Variants in NPAS2 observed in about 807,000 individuals in gnomAD.
NPAS2 encodes neuronal PAS domain protein 2, also known as neuronal PAS domain-containing protein 2.
NPAS2 carries 23 observed loss-of-function variants against 107.5 expected under a neutral mutation model. That is an observed-to-expected ratio of 0.21 (90% CI 0.15 to 0.30). The LOEUF is 0.30. Among genes scored for constraint, NPAS2 ranks in the 10% least tolerant of loss-of-function variants. The pLI is 1.00. For missense variants in NPAS2, 756 were observed against 1,043.3 expected (o/e 0.72, Z 3.79); for synonymous variants, 403 against 417.5 (o/e 0.97, Z 0.42).
At chr2:100,958,594 C>T (rs942280242) in intron 7 of NPAS2, among the ~76,000 whole-genome samples, 3 of 152,144 alleles carry the variant, frequency 2.0e-5, no homozygotes, top group African/African-American at 4.8e-5. Flanking sequence ...GCCCCAGGAG[C>T]GTCATCCTGC....
At chr2:100,993,597 C>T in intron 20 of NPAS2, 70 bp downstream of exon 20, 1 of 1,216,762 alleles carries the variant, frequency 8.2e-7, no homozygotes, top group Non-Finnish European at 1.1e-6. Context: ...CCCGAAGTCT[C>T]AGAGATATTT....
chr2:100,930,635 G>A (rs981216227), intron 3 of NPAS2, among the ~76,000 whole-genome samples: 1 of 151,654 alleles, frequency 6.6e-6, no homozygotes, highest in African/African-American at 2.4e-5. Context: ...TTTTTAATAT[G>A]CTATGAAATG....
intron 1 of NPAS2, among the ~76,000 whole-genome samples, chr2:100,865,778 G>T (rs1679212650): frequency 6.6e-6 from 1 of 152,170 alleles, no homozygotes; most frequent in East Asian, 1.9e-4. Context: ...AAGGACAACT[G>T]CTGACTTTGG....
At chr2:100,911,122 T>G (rs970108664) in intron 2 of NPAS2, among the ~76,000 whole-genome samples, 1 of 152,220 alleles carries the variant, frequency 6.6e-6, no homozygotes, top group Non-Finnish European at 1.5e-5. Flanking sequence ...TTTTAGGGCT[T>G]CTCAGCACAT....
Position 100,964,159 on chromosome 2 carries a change from A to G in NPAS2, c.700A>G (p.Thr234Ala), listed in dbSNP as rs769048668. 1 of 1,611,846 alleles carries G rather than the reference A, an allele frequency of 6.2e-7. No individual in the cohort carries two copies. Among genetic ancestry groups the G allele is most frequent in the South Asian group, 1.1e-5 (1 of 91,040 alleles). Residue 234 changes from threonine (T) to alanine (A), a missense_variant, in exon 8 of 21, where the codon ACA becomes GCA. Coordinates refer to ENST00000335681, the MANE Select transcript of NPAS2 (RefSeq NM_002518.4). Reference sequence around the variant, plus strand: ...CTTCATTGCCACCGTTCGTCTGGCAACACCACAATTCTTAAAGGCAAGTAC... The same window carrying G: ...CTTCATTGCCACCGTTCGTCTGGCAGCACCACAATTCTTAAAGGCAAGTAC... ...VCFIATVRLA[T>A]PQFLKEMCIV...
chr2:100,874,039 G>A (rs951143484), intron 1 of NPAS2, among the ~76,000 whole-genome samples: 6 of 132,556 alleles, frequency 4.5e-5, no homozygotes, highest in African/African-American at 1.2e-4. Flanking sequence ...GGAGTGCAGT[G>A]GCGTGATCTC....
intron 2 of NPAS2, among the ~76,000 whole-genome samples, chr2:100,907,838 T>C (rs1393077856): frequency 2.0e-5 from 3 of 152,256 alleles, no homozygotes; most frequent in African/African-American, 4.8e-5. Flanking sequence ...TGAGTGTCTA[T>C]TGTGTGTTCA....
At chr2:100,937,594 C>T (rs550404936) in intron 4 of NPAS2, among the ~76,000 whole-genome samples, 159 bp from the exon 5 acceptor site, 3 of 152,302 alleles carry the variant, frequency 2.0e-5, no homozygotes, top group South Asian at 4.1e-4. Flanking sequence ...AAGAAGCTGT[C>T]CTCCGTGGAA....
intron 1 of NPAS2, among the ~76,000 whole-genome samples, chr2:100,853,981 A>G (rs1168378932): frequency 6.6e-6 from 1 of 150,812 alleles, no homozygotes. Flanking sequence ...CGACAAAAAA[A>G]AAAAAAAAAA....
chr2:100,929,654 G>A (rs375964259), intron 3 of NPAS2, among the ~76,000 whole-genome samples: 93 of 152,298 alleles, frequency 6.1e-4, no homozygotes, highest in African/African-American at 2.0e-3. Context: ...CATGGTAGGC[G>A]TATTTACACC....
intron 2 of NPAS2, among the ~76,000 whole-genome samples, chr2:100,916,622 A>G (rs1005229015): frequency 6.6e-6 from 1 of 152,220 alleles, no homozygotes; most frequent in Non-Finnish European, 1.5e-5. Context: ...TGAAGAAGTT[A>G]GATGAGTCTT....
At chr2:100,951,321 A>G (rs1197978441) in intron 7 of NPAS2, among the ~76,000 whole-genome samples, 2 of 152,242 alleles carry the variant, frequency 1.3e-5, no homozygotes, top group East Asian at 1.9e-4. Context: ...TGATCCAGCA[A>G]TTCTACTTAT....
chr2:100,920,908 C>T (rs936575664), intron 2 of NPAS2, among the ~76,000 whole-genome samples: 27 of 152,366 alleles, frequency 1.8e-4, no homozygotes, highest in East Asian at 7.7e-4. Flanking sequence ...GGCCACTCCT[C>T]CTAGGAGCTG....
intron 7 of NPAS2, among the ~76,000 whole-genome samples, chr2:100,960,149 G>A (rs1675834866): frequency 6.6e-6 from 1 of 152,080 alleles, no homozygotes; most frequent in Non-Finnish European, 1.5e-5. Flanking sequence ...GGACTCTCCT[G>A]GTTTTGGAAT....
intron 1 of NPAS2, among the ~76,000 whole-genome samples, chr2:100,901,337 C>T (rs945340350): frequency 2.0e-5 from 3 of 152,110 alleles, no homozygotes; most frequent in African/African-American, 7.2e-5. Flanking sequence ...CATCAGGCTC[C>T]CATAATTATT....
chr2:100,877,115 ACT>A (rs1452518165), intron 1 of NPAS2, among the ~76,000 whole-genome samples: 2 of 152,068 alleles, frequency 1.3e-5, no homozygotes, highest in Non-Finnish European at 2.9e-5. Context: ...TGTTCAGTTG[ACT>A]CTGCTGAGGC....
intron 5 of NPAS2, among the ~76,000 whole-genome samples, chr2:100,946,246 A>G (rs1674890092): frequency 6.6e-6 from 1 of 152,206 alleles, no homozygotes; most frequent in African/African-American, 2.4e-5. Context: ...ATGGAGGGGT[A>G]GAACCTGCTT....
At chr2:100,830,796 A>G (rs980912685) in intron 1 of NPAS2, among the ~76,000 whole-genome samples, 6 of 152,134 alleles carry the variant, frequency 3.9e-5, no homozygotes, top group African/African-American at 1.4e-4. Flanking sequence ...TCCATTATCC[A>G]TCATGGAGGG....
At chr2:100,864,657 G>C (rs13034472) in intron 1 of NPAS2, among the ~76,000 whole-genome samples, 84,340 of 152,038 alleles carry the variant, frequency 0.55, 25,974 homozygotes, top group Non-Finnish European at 0.71. Flanking sequence ...CACCCCCTTA[G>C]TCTTTAAAGT....
Sources: allele counts gnomAD v4.1 joint callset (sites outside exome capture counted in the v4.1 genomes callset), GRCh38; gene constraint gnomAD v4.1.1; transcripts MANE v1.5; gene names NCBI Gene and HGNC (gene_info 2026-07-23, HGNC 2026-07-21).